ADCY10: variants seen among roughly 807,000 people sequenced by gnomAD.
The protein encoded by ADCY10 is adenylate cyclase type 10.
In ADCY10, 156 loss-of-function variants were observed where a neutral mutation model predicts 183.3. The observed-to-expected ratio is 0.85, with a 90% confidence interval of 0.75 to 0.97. ADCY10 has a LOEUF of 0.97. ADCY10 is among the 50% of genes least tolerant of loss of function. The pLI, the probability that ADCY10 is intolerant of heterozygous loss-of-function variation, is 0.00. For synonymous variants in ADCY10, 645 were observed against 670.0 expected (o/e 0.96, Z 0.58); for missense variants, 1,745 against 1,934.3 (o/e 0.90, Z 1.84).
chr1:167,859,736 C>G, intron 16 of ADCY10, 71 bp downstream of exon 16: 1 of 1,229,460 alleles, frequency 8.1e-7, no homozygotes, highest in African/African-American at 1.5e-5. Flanking sequence ...CTGAACTCCT[C>G]AAACCACCTG....
At chr1:167,840,615 C>T (rs1206966412) in intron 21 of ADCY10, among the ~76,000 whole-genome samples, 3 of 152,050 alleles carry the variant, frequency 2.0e-5, no homozygotes, top group Non-Finnish European at 4.4e-5. Context: ...CTCGGCCTCA[C>T]AAAGTGCTGC....
At chr1:167,861,396 T>C (rs1278753296) in intron 14 of ADCY10, among the ~76,000 whole-genome samples, 1 of 152,228 alleles carries the variant, frequency 6.6e-6, no homozygotes. Flanking sequence ...GCCTCCTTTA[T>C]GTGACACACA....
chr1:167,867,086 A>G (rs1406534604), intron 14 of ADCY10, among the ~76,000 whole-genome samples: 1 of 152,240 alleles, frequency 6.6e-6, no homozygotes, highest in Admixed American at 6.5e-5. Context: ...TAACCATTGA[A>G]GTTTGCAACA....
rs35580424 is a variant in ADCY10 at position 167,869,972 on chromosome 1, A to G, written c.1616+285T>C. Among the ~76,000 whole-genome samples the G allele has an allele frequency of 4.6e-3, 700 of 152,192 alleles. 8 individuals carry two copies. The highest frequency in any genetic ancestry group is 0.016 in the African/African-American group (674 of 41,530). On this transcript the variant is annotated intron_variant, in intron 14 of 32. Transcript: ENST00000367851. Reference sequence around the variant, plus strand: ...AAATCTAGCCTTGATCTCAACATCTATGCCAATTGTTCTCGATCTGTCTGA... The same window carrying G: ...AAATCTAGCCTTGATCTCAACATCTGTGCCAATTGTTCTCGATCTGTCTGA...
At chr1:167,819,964 T>C (rs1662784285) in intron 30 of ADCY10, 2 of 1,304,662 alleles carry the variant, frequency 1.5e-6, no homozygotes, top group Non-Finnish European at 2.2e-6. Flanking sequence ...TGCTGTATTC[T>C]TCCATTGTTT....
intron 16 of ADCY10, 68 bp from the exon 17 acceptor site, chr1:167,856,507 T>A: frequency 6.8e-7 from 1 of 1,479,556 alleles, no homozygotes; most frequent in Non-Finnish European, 9.4e-7. Flanking sequence ...CATGTATGGG[T>A]ATGCATATGT....
chr1:167,899,696 T>TGGGG, intron 5 of ADCY10, 68 bp from the exon 6 acceptor site: 2 of 1,480,784 alleles, frequency 1.4e-6, no homozygotes, highest in Non-Finnish European at 1.9e-6. Context: ...CACAGGTTTT[T>TGGGG]GGAAAAACCA....
At chr1:167,810,038 C>T (rs1662106880) in intron 32 of ADCY10, among the ~76,000 whole-genome samples, 199 bp from the exon 33 acceptor site, 1 of 152,234 alleles carries the variant, frequency 6.6e-6, no homozygotes, top group Non-Finnish European at 1.5e-5. Context: ...CATTCATTCA[C>T]TTATTCAACA....
At chr1:167,910,061 G>A (rs1013900127) in intron 1 of ADCY10, among the ~76,000 whole-genome samples, 2 of 152,146 alleles carry the variant, frequency 1.3e-5, no homozygotes, top group East Asian at 3.9e-4. Flanking sequence ...AAAGGGCCAG[G>A]AACTGTTTCT....
Position 167,836,445 on chromosome 1 carries a change from C to G in ADCY10, c.3173G>C (p.Cys1058Ser). The change falls in exon 23 of 33, where the codon TGC becomes TCC. Residue 1058 changes from cysteine (C) to serine (S), a missense_variant. Physicochemically the swap from Cys to Ser is moderately radical, Grantham distance 112 (BLOSUM62 -1). Transcript: ENST00000367851. ...AATCTCTAGGATTTCTTCACACTGG[C>G]AAGATTCCAGAGGGATAATGTCTTC... The part of the protein sequence containing the change: ...SDEDIIPLES[C>S]QCEEILEIVI... The G allele has an allele frequency of 6.2e-7, 1 of 1,614,070 alleles. No homozygotes were observed. Among genetic ancestry groups the G allele is most frequent in the Middle Eastern group, 1.6e-4 (1 of 6,062 alleles).
intron 31 of ADCY10, among the ~76,000 whole-genome samples, chr1:167,812,862 C>T (rs1024317933): frequency 6.6e-6 from 1 of 151,780 alleles, no homozygotes; most frequent in Non-Finnish European, 1.5e-5. Context: ...ACTGCAATAA[C>T]TAAAATTTAA....
chr1:167,856,297 C>A lies in ADCY10; in HGVS notation c.2039G>T (p.Cys680Phe). 6.2e-7 allele frequency: 1 copy of A among 1,613,952 alleles called. No individual in the cohort carries two copies. The highest frequency in any genetic ancestry group is 8.5e-7 in the Non-Finnish European group (1 of 1,179,972). Residue 680 changes from cysteine to phenylalanine, a missense_variant, in exon 17 of 33, where the codon TGT becomes TTT. Coordinates refer to ENST00000367851, the MANE Select transcript of ADCY10 (RefSeq NM_018417.6). ...CTTTATTACGGCCCTGGCAGCTGCA[C>A]AGGGAATGTTAACGAAGGGACACAG... ...MSLCPFVNIPCAAARAVIKNR... is the reference protein window; with the variant it reads ...MSLCPFVNIPFAAARAVIKNR...
chr1:167,813,429 G>A (rs918042609), intron 31 of ADCY10, among the ~76,000 whole-genome samples: 2 of 151,902 alleles, frequency 1.3e-5, no homozygotes, highest in African/African-American at 4.8e-5. Flanking sequence ...AGATAAGGGA[G>A]AAATTAAGAC....
intron 1 of ADCY10, among the ~76,000 whole-genome samples, chr1:167,906,973 T>C (rs1201330828): frequency 6.6e-6 from 1 of 152,238 alleles, no homozygotes; most frequent in Non-Finnish European, 1.5e-5. Context: ...ATACACCTTT[T>C]CTTTTGTTTC....
chr1:167,911,419 T>G (rs1043327338), intron 1 of ADCY10, among the ~76,000 whole-genome samples: 3 of 152,246 alleles, frequency 2.0e-5, no homozygotes, highest in Admixed American at 6.5e-5. Flanking sequence ...CTTATACTGG[T>G]CCAAGCAACC....
At chr1:167,861,147 C>G in intron 14 of ADCY10, 84 bp from the exon 15 acceptor site, 2 of 1,156,572 alleles carry the variant, frequency 1.7e-6, no homozygotes, top group African/African-American at 3.1e-5. Flanking sequence ...AAAGCTCTGT[C>G]TTCTCATATT....
chr1:167,813,504 C>G (rs1397176982), intron 31 of ADCY10, among the ~76,000 whole-genome samples: 2 of 151,284 alleles, frequency 1.3e-5, no homozygotes, highest in African/African-American at 4.9e-5. Flanking sequence ...ATGCCCACGC[C>G]TTAAAAAAAA....
chr1:167,835,484 C>T (rs1272001233), intron 23 of ADCY10, among the ~76,000 whole-genome samples: 1 of 152,196 alleles, frequency 6.6e-6, no homozygotes, highest in Non-Finnish European at 1.5e-5. Flanking sequence ...TTTATAATTA[C>T]CCTAGAGAAA....
chr1:167,841,129 G>A (rs1378785309), intron 21 of ADCY10, among the ~76,000 whole-genome samples: 1 of 151,830 alleles, frequency 6.6e-6, no homozygotes, highest in African/African-American at 2.4e-5. Context: ...TTTTTGTAGA[G>A]GGAGAGTTCA....
Sources: gnomAD v4.1 joint callset for allele counts (sites outside exome capture counted in the v4.1 genomes callset) on GRCh38, gnomAD v4.1.1 for gene constraint, MANE v1.5 for transcripts, NCBI Gene and HGNC (gene_info 2026-07-23, HGNC 2026-07-21) for gene names.